TNR: variants seen among roughly 807,000 people sequenced by gnomAD.
TNR encodes the protein tenascin-R.
TNR carries 45 observed loss-of-function variants against 150.4 expected under a neutral mutation model. The ratio of observed to expected loss-of-function variants is 0.30; its 90% CI spans 0.24 to 0.38. The LOEUF (loss-of-function observed/expected upper bound fraction) is 0.38. Ranked by LOEUF, TNR falls within the 10% of genes least tolerant of loss-of-function variation. TNR has a pLI of 1.00. For missense variants in TNR, 1,544 were observed against 1,759.1 expected (o/e 0.88, Z 2.19); for synonymous variants, 687 against 678.4 (o/e 1.01, Z -0.20).
At chr1:175,429,513 G>A (rs1182162505) in intron 2 of TNR, among the ~76,000 whole-genome samples, 1 of 152,160 alleles carries the variant, frequency 6.6e-6, no homozygotes, top group Admixed American at 6.5e-5. Flanking sequence ...AAATCACTTA[G>A]AACAGAACCT....
At chr1:175,338,902 C>T (rs777922988) in intron 18 of TNR, among the ~76,000 whole-genome samples, 1 of 152,168 alleles carries the variant, frequency 6.6e-6, no homozygotes, top group Non-Finnish European at 1.5e-5. Context: ...TAACTGCCCC[C>T]GCACCAGGAC....
intron 1 of TNR, among the ~76,000 whole-genome samples, chr1:175,547,239 TG>T (rs1277986068): frequency 1.3e-5 from 2 of 152,202 alleles, no homozygotes; most frequent in Non-Finnish European, 2.9e-5. Context: ...TCTGCCCCAG[TG>T]TCCTCCACAT....
At chr1:175,647,454 A>T (rs1040007164) in intron 1 of TNR, among the ~76,000 whole-genome samples, 7 of 150,352 alleles carry the variant, frequency 4.7e-5, no homozygotes, top group African/African-American at 1.5e-4. Context: ...AAAAAACCTC[A>T]TTGTCTCAGG....
At chr1:175,594,447 T>C (rs1055581342) in intron 1 of TNR, among the ~76,000 whole-genome samples, 2 of 152,208 alleles carry the variant, frequency 1.3e-5, no homozygotes, top group Admixed American at 1.3e-4. Context: ...ATTTTTCCCT[T>C]TCTATCTCCT....
intron 17 of TNR, among the ~76,000 whole-genome samples, chr1:175,355,294 G>A (rs770995828): frequency 2.6e-4 from 39 of 152,164 alleles, no homozygotes; most frequent in Admixed American, 1.2e-3. Flanking sequence ...TAGCAGTAGA[G>A]CTAGGACTAT....
At chr1:175,568,753 G>A (rs1425898723) in intron 1 of TNR, among the ~76,000 whole-genome samples, 3 of 152,138 alleles carry the variant, frequency 2.0e-5, no homozygotes, top group Non-Finnish European at 1.5e-5. Context: ...GAGTTCACAG[G>A]AACCCTCCTC....
chr1:175,558,448 A>G (rs150370001), intron 1 of TNR, among the ~76,000 whole-genome samples: 33 of 152,288 alleles, frequency 2.2e-4, no homozygotes, highest in Middle Eastern at 3.4e-3. Flanking sequence ...TATCTACACT[A>G]TAAATATGAG....
intron 1 of TNR, among the ~76,000 whole-genome samples, chr1:175,576,376 G>A (rs565806586): frequency 1.3e-5 from 2 of 152,214 alleles, no homozygotes; most frequent in South Asian, 2.1e-4. Flanking sequence ...CAGTATTTCC[G>A]GGCGCTGGTG....
intron 20 of TNR, among the ~76,000 whole-genome samples, chr1:175,331,270 T>C (rs1332022878): frequency 6.2e-5 from 8 of 128,690 alleles, no homozygotes; most frequent in African/African-American, 9.1e-5. Context: ...TTCCTTCCTT[T>C]CTTTCTTTCC....
At chr1:175,604,243 G>A (rs141194753) in intron 1 of TNR, among the ~76,000 whole-genome samples, 59 of 152,242 alleles carry the variant, frequency 3.9e-4, no homozygotes, top group Non-Finnish European at 7.4e-4. Context: ...TCAGCCCAGC[G>A]GAGATGGATG....
intron 2 of TNR, among the ~76,000 whole-genome samples, chr1:175,501,199 G>A (rs1489932725): frequency 6.6e-6 from 1 of 152,210 alleles, no homozygotes; most frequent in Non-Finnish European, 1.5e-5. Flanking sequence ...GCCTTTAAAA[G>A]AAGGTGAAGT....
intron 2 of TNR, among the ~76,000 whole-genome samples, chr1:175,422,271 GT>G (rs1654785182): frequency 1.3e-5 from 2 of 152,290 alleles, no homozygotes; most frequent in South Asian, 4.2e-4. Context: ...AGAGCTGTTT[GT>G]TTTCCCCCTG....
At chr1:175,414,293 A>G (rs1654339876) in intron 2 of TNR, among the ~76,000 whole-genome samples, 1 of 152,164 alleles carries the variant, frequency 6.6e-6, no homozygotes, top group Non-Finnish European at 1.5e-5. Flanking sequence ...AGAAAAAAAA[A>G]AGAGAAGGTG....
Position 175,579,677 on chromosome 1 carries a change from G to A in TNR, c.-164-51308C>T, listed in dbSNP as rs192250822. ...GTACAGACAAGGTCAGTTTGGGATG[G>A]TGATGGGTAAAATGATAGAGAAGAA... On this transcript the variant is annotated intron_variant, in intron 1 of 22. Coordinates refer to ENST00000367674, the MANE Select transcript of TNR (RefSeq NM_003285.3). Among the ~76,000 whole-genome samples the A allele has an allele frequency of 1.6e-3, 239 of 151,384 alleles. 1 individual carries two copies. The highest frequency in any genetic ancestry group is 6.8e-3 in the Middle Eastern group (2 of 294).
chr1:175,738,591 G>T (rs2101960670), intron 1 of TNR, among the ~76,000 whole-genome samples: 1 of 152,308 alleles, frequency 6.6e-6, no homozygotes, highest in East Asian at 1.9e-4. Flanking sequence ...ATGGATGATG[G>T]TGATGATGGT....
chr1:175,417,071 G>GAAATAAAT (rs1236322486), intron 2 of TNR, among the ~76,000 whole-genome samples: 1,233 of 119,788 alleles, frequency 0.01, 17 homozygotes, highest in East Asian at 0.023. Context: ...AAGAAAGAAA[G>GAAATAAAT]AAAGAAATCT....
chr1:175,426,699 AACCTAAT>A (rs1357229861), intron 2 of TNR, among the ~76,000 whole-genome samples: 5 of 150,924 alleles, frequency 3.3e-5, no homozygotes, highest in Non-Finnish European at 7.4e-5. Context: ...GTTACTCCGT[AACCTAAT>A]ACCTAATACA....
At chr1:175,696,518 G>T (rs767203978) in intron 1 of TNR, among the ~76,000 whole-genome samples, 2 of 152,180 alleles carry the variant, frequency 1.3e-5, no homozygotes, top group Admixed American at 6.5e-5. Context: ...CATTGGTTAT[G>T]AATTGGATAA....
At chr1:175,515,923 T>C (rs946039987) in intron 2 of TNR, among the ~76,000 whole-genome samples, 3 of 152,040 alleles carry the variant, frequency 2.0e-5, no homozygotes, top group African/African-American at 4.8e-5. Context: ...ATGAAGAAAA[T>C]AGTAGGAAAG....
Sources: gnomAD v4.1 joint callset for allele counts (sites outside exome capture counted in the v4.1 genomes callset) on GRCh38, gnomAD v4.1.1 for gene constraint, MANE v1.5 for transcripts, NCBI Gene and HGNC (gene_info 2026-07-23, HGNC 2026-07-21) for gene names.